Variants in DPP10 observed in about 807,000 individuals in gnomAD.
DPP10 encodes dipeptidyl peptidase like 10.
Under a neutral mutation model 120.9 loss-of-function variants are expected in DPP10, and 33 were observed. The observed-to-expected ratio is 0.27, with a 90% confidence interval of 0.21 to 0.37. The LOEUF (loss-of-function observed/expected upper bound fraction) is 0.37, where lower values mean the gene tolerates loss of function less well. Among genes scored for constraint, DPP10 ranks in the 10% least tolerant of loss-of-function variants. The pLI is 1.00. For synonymous variants in DPP10, 337 were observed against 326.1 expected, an observed-to-expected ratio of 1.03 and a Z score of -0.36; for missense variants, 816 against 942.8, an observed-to-expected ratio of 0.87 and a Z score of 1.76.
At chr2:115,068,505 C>A (rs574836114) in intron 1 of DPP10, among the ~76,000 whole-genome samples, 1 of 152,242 alleles carries the variant, frequency 6.6e-6, no homozygotes, top group South Asian at 2.1e-4. Context: ...CAAACAATTT[C>A]TCCCATGTAG....
At chr2:115,512,105 A>G (rs969255) in intron 4 of DPP10, among the ~76,000 whole-genome samples, 1 of 144,200 alleles carries the variant, frequency 6.9e-6, no homozygotes, top group African/African-American at 2.5e-5. Context: ...CTTCTCTTCT[A>G]TTTTTCTTTC....
chr2:114,500,852 C>A (rs904452109), intron 1 of DPP10, among the ~76,000 whole-genome samples: 2 of 152,154 alleles, frequency 1.3e-5, no homozygotes, highest in South Asian at 4.1e-4. Flanking sequence ...AGGCAGGAGT[C>A]CGTCTGGTGC....
At chr2:114,460,516 G>A (rs1678842145) in intron 1 of DPP10, among the ~76,000 whole-genome samples, 1 of 152,070 alleles carries the variant, frequency 6.6e-6, no homozygotes, top group Non-Finnish European at 1.5e-5. Flanking sequence ...AAAAACTACT[G>A]AGTAAATTCA....
At chr2:115,128,066 T>C (rs1039243109) in intron 1 of DPP10, among the ~76,000 whole-genome samples, 1 of 152,216 alleles carries the variant, frequency 6.6e-6, no homozygotes, top group Admixed American at 6.5e-5. Context: ...TATTCCCTTT[T>C]TGTTCCCCTC....
intron 1 of DPP10, among the ~76,000 whole-genome samples, chr2:114,936,210 C>T (rs1300844415): frequency 1.3e-5 from 2 of 152,074 alleles, no homozygotes; most frequent in African/African-American, 4.8e-5. Flanking sequence ...CATAGCTTAG[C>T]TCGCACTTTA....
chr2:115,255,326 G>A (rs1012519816), intron 1 of DPP10, among the ~76,000 whole-genome samples: 1 of 152,224 alleles, frequency 6.6e-6, no homozygotes, highest in African/African-American at 2.4e-5. Flanking sequence ...ACAGAGCGCC[G>A]AGACCCTATG....
chr2:114,897,059 AC>A (rs1693071964), intron 1 of DPP10, among the ~76,000 whole-genome samples: 1 of 152,162 alleles, frequency 6.6e-6, no homozygotes, highest in Non-Finnish European at 1.5e-5. Flanking sequence ...CATATATTGA[AC>A]CAGCCTTGCA....
At chr2:115,299,595 A>G (rs917172584) in intron 1 of DPP10, among the ~76,000 whole-genome samples, 10 of 152,200 alleles carry the variant, frequency 6.6e-5, no homozygotes, top group Non-Finnish European at 1.5e-4. Context: ...AATTCTGTCT[A>G]TAAATTATAT....
At chr2:115,497,431 T>C (rs1225253998) in intron 3 of DPP10, among the ~76,000 whole-genome samples, 1 of 152,134 alleles carries the variant, frequency 6.6e-6, no homozygotes, top group Admixed American at 6.6e-5. Context: ...ATTATCATAA[T>C]CTTTGCAAAG....
intron 1 of DPP10, among the ~76,000 whole-genome samples, chr2:114,733,079 C>T (rs72957609): frequency 0.013 from 1,956 of 152,170 alleles, 54 homozygotes; most frequent in African/African-American, 0.045. Context: ...TATTGCAGAG[C>T]GAGAAAGGGC....
At chr2:114,857,460 G>C (rs550994157) in intron 1 of DPP10, among the ~76,000 whole-genome samples, 2 of 152,104 alleles carry the variant, frequency 1.3e-5, no homozygotes, top group Admixed American at 6.5e-5. Flanking sequence ...GTTCAGACCC[G>C]TTGGATTAAT....
At chr2:115,794,998 T>A (rs1684388772) in intron 19 of DPP10, among the ~76,000 whole-genome samples, 1 of 152,112 alleles carries the variant, frequency 6.6e-6, no homozygotes, top group Non-Finnish European at 1.5e-5. Flanking sequence ...GTTTGTTCAG[T>A]CTATCTCCGC....
chr2:114,672,683 T>C (rs897299030), intron 1 of DPP10, among the ~76,000 whole-genome samples: 2 of 152,178 alleles, frequency 1.3e-5, no homozygotes, highest in Non-Finnish European at 2.9e-5. Flanking sequence ...TACATTTTTT[T>C]CCTCTAACAT....
chr2:114,736,004 A>G (rs1212666855), intron 1 of DPP10, among the ~76,000 whole-genome samples: 2 of 152,072 alleles, frequency 1.3e-5, no homozygotes, highest in East Asian at 2.0e-4. Context: ...AGCTTCTACT[A>G]TACTTAGATG....
intron 1 of DPP10, among the ~76,000 whole-genome samples, chr2:115,105,781 G>T (rs1013482588): frequency 3.7e-4 from 56 of 152,292 alleles, no homozygotes; most frequent in African/African-American, 1.3e-3. Context: ...AACAAAATAT[G>T]TATTGAAGCT....
At chr2:115,326,316 T>C (rs1212612872) in intron 2 of DPP10, among the ~76,000 whole-genome samples, 2 of 152,104 alleles carry the variant, frequency 1.3e-5, no homozygotes, top group African/African-American at 2.4e-5. Context: ...CATGATTCAT[T>C]ACTCTGGTGT....
chr2:115,279,937 T>C (rs1264731812), intron 1 of DPP10, among the ~76,000 whole-genome samples: 1 of 152,052 alleles, frequency 6.6e-6, no homozygotes, highest in East Asian at 1.9e-4. Flanking sequence ...GGGTAGCATT[T>C]TTCTAGAATA....
At chr2:115,831,236 TTC>T (rs1309206251) in intron 21 of DPP10, among the ~76,000 whole-genome samples, 9 of 79,324 alleles carry the variant, frequency 1.1e-4, no homozygotes, top group Admixed American at 1.8e-4. Flanking sequence ...CACAGATCAC[TTC>T]TTTCTTTCTT....
intron 1 of DPP10, among the ~76,000 whole-genome samples, chr2:114,474,126 A>G (rs1456978680): frequency 6.6e-6 from 1 of 151,980 alleles, no homozygotes; most frequent in Admixed American, 6.6e-5. Context: ...CCCGGCTAAT[A>G]TTTTATATCT....
Sources: gnomAD v4.1 joint callset for allele counts (sites outside exome capture counted in the v4.1 genomes callset) on GRCh38, gnomAD v4.1.1 for gene constraint, MANE v1.5 for transcripts, NCBI Gene and HGNC (gene_info 2026-07-23, HGNC 2026-07-21) for gene names.